The following LPP variants were observed in gnomAD, a reference collection of about 807,000 sequenced individuals.
The protein encoded by LPP is LIM domain containing preferred translocation partner in lipoma, also known as lipoma-preferred partner.
A neutral mutation model predicts 60.4 loss-of-function variants in LPP; 38 were observed. That is an observed-to-expected ratio of 0.63 (90% CI 0.49 to 0.83). The LOEUF is 0.83. Ranked by LOEUF, LPP falls within the 40% of genes least tolerant of loss-of-function variation. LPP has a pLI of 0.00. For missense variants in LPP, 902 were observed against 783.6 expected (o/e 1.15, Z -1.80); for synonymous variants, 328 against 290.8 (o/e 1.13, Z -1.30).
At chr3:188,816,862 G>A (rs533600438) in intron 9 of LPP, among the ~76,000 whole-genome samples, 1 of 152,248 alleles carries the variant, frequency 6.6e-6, no homozygotes, top group African/African-American at 2.4e-5. Flanking sequence ...GCTAAGCACC[G>A]AATAGGAATA....
chr3:188,820,431 CTT>C (rs1268300527), intron 9 of LPP, among the ~76,000 whole-genome samples: 2 of 152,036 alleles, frequency 1.3e-5, no homozygotes, highest in African/African-American at 4.8e-5. Flanking sequence ...GTGTGTGTCT[CTT>C]TGTGTCTGTA....
chr3:188,486,129 T>C (rs140959561), intron 5 of LPP, among the ~76,000 whole-genome samples: 1 of 152,278 alleles, frequency 6.6e-6, no homozygotes, highest in East Asian at 1.9e-4. Context: ...TTTAAACATA[T>C]ACCTTTGTAT....
chr3:188,609,162 G>T lies in LPP; in HGVS notation c.431G>T (p.Ser144Ile). The T allele has an allele frequency of 2.5e-6, 4 of 1,583,526 alleles. No homozygotes were observed. Among genetic ancestry groups the T allele is most frequent in the South Asian group, 1.1e-5 (1 of 87,878 alleles). Residue 144 changes from serine (S) to isoleucine (I), a missense_variant and splice_region_variant, in exon 7 of 12, where the codon AGC becomes ATC. Coordinates refer to ENST00000617246, the MANE Select transcript of LPP (RefSeq NM_001375462.1). This position sits in a 1 kb window ranked among gnomAD's most constrained non-coding sequence, Gnocchi z 6.9. ...SSPYKPRPPQ[S>I]STGSTASPPV... ...TCTTTTTTTTCCTATTCTTTTTAGA[G>T]CTCCACTGGTTCAACAGCCTCTCCT... is the stretch of plus-strand genomic sequence containing the variant.
intron 6 of LPP, among the ~76,000 whole-genome samples, chr3:188,558,080 C>G (rs1337411023): frequency 6.6e-6 from 1 of 152,108 alleles, no homozygotes; most frequent in Admixed American, 6.6e-5. Context: ...GTATCTCTAC[C>G]TCAACCAGTA....
In LPP at chr3:188,203,474, A is replaced by AAT. The variant is rs1246116448; in HGVS notation, c.-189-21920_-189-21919dup. ...ATATATATAAATATATATATTTTTAAATATATATATATTTTTAAATATATA... is the reference window on the plus strand; with the variant it reads ...ATATATATAAATATATATATTTTTAAATATATATATATATTTTTAAATATATA... On this transcript the variant is annotated intron_variant, in intron 1 of 11. Coordinates refer to ENST00000617246, the MANE Select transcript of LPP (RefSeq NM_001375462.1). Among the ~76,000 whole-genome samples, 8 of 87,308 alleles carry AAT rather than the reference A, an allele frequency of 9.2e-5. No homozygotes were observed. In the East Asian group the frequency reaches 1.9e-3, roughly 20 times the overall value. 57.3% of individuals were successfully genotyped at this position (87,308 alleles called of 152,430 possible).
In LPP at chr3:188,485,754, A is replaced by G. The variant is rs527877237; in HGVS notation, c.306+1050A>G. 3.0e-3 allele frequency among the ~76,000 whole-genome samples: 405 copies of G among 135,534 alleles called. 5 individuals carry two copies. The highest frequency in any genetic ancestry group is 9.6e-3 in the African/African-American group (346 of 36,206). 88.9% of individuals were successfully genotyped at this position (135,534 alleles called of 152,430 possible). The stretch of plus-strand genomic sequence containing the variant: ...AGAGCTTGCAGTGAGCCGAGATCGC[A>G]CCACTGCACTCCAGCCTGGGCGACA... On this transcript the variant is annotated intron_variant, in intron 5 of 11. Coordinates refer to ENST00000617246, the MANE Select transcript of LPP (RefSeq NM_001375462.1).
At chr3:188,782,466 A>G (rs553268798) in intron 9 of LPP, among the ~76,000 whole-genome samples, 1 of 152,336 alleles carries the variant, frequency 6.6e-6, no homozygotes, top group East Asian at 1.9e-4. Context: ...AAAAGGGAAT[A>G]CTTATCATGT....
chr3:188,546,265 G>A (rs1474867778), intron 6 of LPP, among the ~76,000 whole-genome samples: 3 of 152,130 alleles, frequency 2.0e-5, no homozygotes, highest in African/African-American at 7.2e-5. Context: ...CACTCTGCCA[G>A]ATTATTTCTA....
chr3:188,160,891 A>T (rs553617438), intron 1 of LPP, among the ~76,000 whole-genome samples: 1 of 152,260 alleles, frequency 6.6e-6, no homozygotes, highest in African/African-American at 2.4e-5. Flanking sequence ...AGGAGTGACC[A>T]ATCATCTAGA....
intron 4 of LPP, among the ~76,000 whole-genome samples, chr3:188,450,713 C>T (rs913559344): frequency 1.7e-4 from 26 of 150,396 alleles, no homozygotes; most frequent in South Asian, 4.2e-4. Flanking sequence ...CCACTGCACT[C>T]CAGCTTGGGT....
At chr3:188,204,048 G>A (rs1255344280) in intron 1 of LPP, among the ~76,000 whole-genome samples, 1 of 152,090 alleles carries the variant, frequency 6.6e-6, no homozygotes, top group Non-Finnish European at 1.5e-5. Flanking sequence ...GAGAAGGGGT[G>A]GGCCAGTGAA....
chr3:188,314,776 C>T (rs980129583), intron 2 of LPP, among the ~76,000 whole-genome samples: 12 of 152,150 alleles, frequency 7.9e-5, no homozygotes, highest in African/African-American at 2.7e-4. Context: ...AGTGAGATTG[C>T]GCCCCTGACT....
chr3:188,250,768 TTCTTTCTTTCTTTCTTTCTGTCTTTC>T (rs1728989733), intron 2 of LPP, among the ~76,000 whole-genome samples: 1 of 114,962 alleles, frequency 8.7e-6, no homozygotes, highest in South Asian at 2.9e-4. Context: ...CTTTCTTTCT[TTCTTTCTTTCTTTCTTTCTGTCTTTC>T]TCTTTCTTTC....
chr3:188,393,850 G>A (rs1214013421), intron 3 of LPP, among the ~76,000 whole-genome samples: 2 of 152,076 alleles, frequency 1.3e-5, no homozygotes, highest in East Asian at 3.9e-4. Flanking sequence ...TTCACTCACA[G>A]TATTGTAATA....
At chr3:188,747,685 T>C (rs1422844510) in intron 8 of LPP, among the ~76,000 whole-genome samples, 1 of 152,172 alleles carries the variant, frequency 6.6e-6, no homozygotes, top group East Asian at 1.9e-4. Flanking sequence ...AATACACTAA[T>C]CACTTTCAAT....
intron 1 of LPP, among the ~76,000 whole-genome samples, chr3:188,164,545 T>C (rs1022525917): frequency 6.6e-6 from 1 of 152,166 alleles, no homozygotes; most frequent in African/African-American, 2.4e-5. Flanking sequence ...AAACGAATCA[T>C]TTTCAGGAAG....
At chr3:188,524,936 CTT>C in intron 6 of LPP, 149 bp downstream of exon 6, 3 of 639,606 alleles carry the variant, frequency 4.7e-6, no homozygotes, top group Non-Finnish European at 4.9e-6. Flanking sequence ...TCCTTCCTTC[CTT>C]CCTTCCTTCC....
intron 4 of LPP, among the ~76,000 whole-genome samples, chr3:188,436,101 C>T (rs1308657378): frequency 6.6e-6 from 1 of 152,078 alleles, no homozygotes. Context: ...TTTATTTGAT[C>T]CTTGGAACTC....
chr3:188,668,493 C>T (rs1856275847), intron 7 of LPP, among the ~76,000 whole-genome samples: 1 of 152,124 alleles, frequency 6.6e-6, no homozygotes, highest in South Asian at 2.1e-4. Context: ...TGCTTCCATA[C>T]AAGTAATTTT....
Sources: allele counts gnomAD v4.1 joint callset (sites outside exome capture counted in the v4.1 genomes callset), GRCh38; gene constraint gnomAD v4.1.1; non-coding constraint Gnocchi (gnomAD v3.1); transcripts MANE v1.5; gene names NCBI Gene and HGNC (gene_info 2026-07-23, HGNC 2026-07-21).